RANBP17: variants seen among roughly 807,000 people sequenced by gnomAD.
The protein encoded by RANBP17 is RAN binding protein 17, also known as ran-binding protein 17.
A neutral mutation model predicts 141.2 loss-of-function variants in RANBP17; 158 were observed. The observed-to-expected ratio is 1.12, with a 90% CI of 0.98 to 1.28. The LOEUF is 1.28. Ranked by LOEUF, RANBP17 falls within the 50% of genes most tolerant of loss-of-function variation. RANBP17 has a pLI of 0.00. For synonymous variants in RANBP17, 430 were observed against 450.0 expected (o/e 0.96, Z 0.56); for missense variants, 1,438 against 1,290.7 (o/e 1.11, Z -1.75).
chr5:171,262,296 A>G (rs951437613), intron 24 of RANBP17, among the ~76,000 whole-genome samples: 1 of 152,232 alleles, frequency 6.6e-6, no homozygotes, highest in Admixed American at 6.5e-5. Context: ...AAAAGAGAAA[A>G]GCAACCAGGC....
intron 14 of RANBP17, among the ~76,000 whole-genome samples, chr5:170,996,250 T>C (rs140680343): frequency 6.6e-6 from 1 of 152,326 alleles, no homozygotes; most frequent in East Asian, 1.9e-4. Context: ...AAGCTGTTTT[T>C]TTCCCTAAAA....
chr5:171,183,311 G>C lies in RANBP17; in HGVS notation c.1930-11G>C. On this transcript the variant is annotated splice_polypyrimidine_tract_variant and intron_variant, in intron 17 of 27. Transcript: ENST00000523189. Reference sequence around the variant, plus strand: ...TGTTAGTAACTTGGATTACTCTTTTGCTTTCATTAGAGTGAACACTTCCCT... The same window carrying C: ...TGTTAGTAACTTGGATTACTCTTTTCCTTTCATTAGAGTGAACACTTCCCT... 6.2e-7 allele frequency: 1 copy of C among 1,608,410 alleles called. No individual in the cohort carries two copies. Among genetic ancestry groups the C allele is most frequent in the Non-Finnish European group, 8.5e-7 (1 of 1,174,862 alleles).
intron 14 of RANBP17, among the ~76,000 whole-genome samples, chr5:171,076,199 CTG>C (rs1263187116): frequency 4.6e-5 from 7 of 152,140 alleles, no homozygotes; most frequent in Non-Finnish European, 1.0e-4. Context: ...TGTAGTGACA[CTG>C]TGGATAGTAA....
chr5:170,867,862 C>T (rs1425103565), intron 1 of RANBP17, among the ~76,000 whole-genome samples: 1 of 151,950 alleles, frequency 6.6e-6, no homozygotes, highest in Non-Finnish European at 1.5e-5. Context: ...CATATCCATC[C>T]CCCCAAAAGT....
intron 14 of RANBP17, among the ~76,000 whole-genome samples, chr5:171,091,895 T>C (rs1786316232): frequency 1.3e-5 from 2 of 152,182 alleles, no homozygotes; most frequent in Admixed American, 1.3e-4. Context: ...CTTGGGTATG[T>C]CTTTATCAAT....
intron 13 of RANBP17, among the ~76,000 whole-genome samples, chr5:170,965,595 C>T (rs1776495122): frequency 6.6e-6 from 1 of 152,110 alleles, no homozygotes; most frequent in Non-Finnish European, 1.5e-5. Flanking sequence ...AGGAAGGGAT[C>T]CAGTTTCAGC....
chr5:171,088,976 C>T (rs1785947828), intron 14 of RANBP17, among the ~76,000 whole-genome samples: 1 of 151,860 alleles, frequency 6.6e-6, no homozygotes, highest in African/African-American at 2.4e-5. Flanking sequence ...CAAAGTCATT[C>T]TCCATCCAGC....
Position 170,953,601 on chromosome 5 carries a change from T to C in RANBP17, c.1473T>C (p.Arg491=), listed in dbSNP as rs760667785. Residue 491 remains arginine (R), a synonymous_variant, in exon 13 of 28, where the codon CGT becomes CGC. Coordinates refer to ENST00000523189, the MANE Select transcript of RANBP17 (RefSeq NM_022897.5). ...VTVDITIQEG[R]LAWLVYLVGT... ...TTCTTCCTTATTCTATATTAGGACG[T>C]CTTGCATGGCTGGTATACTTAGTTG... 2 of 1,604,464 alleles carry C rather than the reference T, an allele frequency of 1.2e-6. No individual in the cohort carries two copies. Among genetic ancestry groups the C allele is most frequent in the South Asian group, 1.1e-5 (1 of 90,272 alleles).
At chr5:171,262,447 A>C (rs1220839812) in intron 24 of RANBP17, among the ~76,000 whole-genome samples, 4 of 152,250 alleles carry the variant, frequency 2.6e-5, no homozygotes, top group African/African-American at 9.6e-5. Context: ...TTAACTAATT[A>C]ATCAGTTATT....
At chr5:171,174,544 G>T (rs1387128105) in intron 16 of RANBP17, among the ~76,000 whole-genome samples, 3 of 152,070 alleles carry the variant, frequency 2.0e-5, no homozygotes, top group Non-Finnish European at 4.4e-5. Context: ...AATTCTGTTT[G>T]TTCGGTAATC....
At chr5:170,905,521 G>A (rs902421281) in intron 5 of RANBP17, among the ~76,000 whole-genome samples, 1 of 151,996 alleles carries the variant, frequency 6.6e-6, no homozygotes, top group African/African-American at 2.4e-5. Flanking sequence ...TTTATAGGAT[G>A]GATTTCTAAA....
intron 18 of RANBP17, 138 bp from the exon 19 acceptor site, chr5:171,199,532 C>A: frequency 2.0e-6 from 1 of 488,860 alleles, no homozygotes; most frequent in Admixed American, 3.7e-5. Flanking sequence ...AGCAAAAGTA[C>A]AAAATGTGGC....
intron 14 of RANBP17, among the ~76,000 whole-genome samples, chr5:171,065,048 ATAGT>A (rs1010378575): frequency 7.2e-5 from 11 of 151,960 alleles, no homozygotes; most frequent in African/African-American, 2.7e-4. Context: ...GATTTTAGTC[ATAGT>A]TAGGAACCCT....
chr5:171,274,102 G>T (rs1318690911), intron 25 of RANBP17, among the ~76,000 whole-genome samples: 1 of 148,004 alleles, frequency 6.8e-6, no homozygotes, highest in Non-Finnish European at 1.5e-5. Context: ...ATAAAGTTTA[G>T]TTTGATCAAG....
intron 14 of RANBP17, among the ~76,000 whole-genome samples, chr5:171,058,575 G>C (rs1783574757): frequency 6.6e-6 from 1 of 150,986 alleles, no homozygotes; most frequent in Non-Finnish European, 1.5e-5. Context: ...TGGACATTTG[G>C]GTTGGTTCCA....
chr5:171,195,950 C>G (rs1470201786), intron 18 of RANBP17, among the ~76,000 whole-genome samples: 1 of 152,206 alleles, frequency 6.6e-6, no homozygotes, highest in African/African-American at 2.4e-5. Flanking sequence ...TGCGTAAGCA[C>G]TCAAGGAATA....
chr5:170,868,981 A>G (rs1455560495), intron 1 of RANBP17, among the ~76,000 whole-genome samples: 4 of 152,176 alleles, frequency 2.6e-5, no homozygotes, highest in Non-Finnish European at 2.9e-5. Context: ...GGTTTTTAGT[A>G]TACCAGGTAT....
chr5:171,209,245 G>T (rs1213830311), intron 20 of RANBP17, among the ~76,000 whole-genome samples: 1 of 152,152 alleles, frequency 6.6e-6, no homozygotes, highest in Non-Finnish European at 1.5e-5. Context: ...TAGGGAGTCA[G>T]TAGTGAAGAT....
chr5:171,061,008 T>A (rs1783799973), intron 14 of RANBP17, among the ~76,000 whole-genome samples: 1 of 151,228 alleles, frequency 6.6e-6, no homozygotes, highest in Non-Finnish European at 1.5e-5. Context: ...GGTGGTGATA[T>A]CCCCTTTATC....
Sources: allele counts gnomAD v4.1 joint callset (sites outside exome capture counted in the v4.1 genomes callset), GRCh38; gene constraint gnomAD v4.1.1; transcripts MANE v1.5; gene names NCBI Gene and HGNC (gene_info 2026-07-23, HGNC 2026-07-21).